PRKN: variants seen among roughly 807,000 people sequenced by gnomAD.
The protein encoded by PRKN is parkin RBR E3 ubiquitin protein ligase.
Under a neutral mutation model 59.5 loss-of-function variants are expected in PRKN, and 56 were observed. The observed-to-expected ratio is 0.94, with a 90% CI of 0.76 to 1.18. The LOEUF is 1.18. Among genes scored for constraint, PRKN ranks in the 50% most tolerant of loss-of-function variants. PRKN has a pLI of 0.00. For missense variants in PRKN, 657 were observed against 596.4 expected (o/e 1.10, Z -1.06); for synonymous variants, 250 against 222.1 (o/e 1.13, Z -1.12).
intron 6 of PRKN, among the ~76,000 whole-genome samples, chr6:161,869,203 A>T (rs1213650062): frequency 6.6e-6 from 1 of 151,934 alleles, no homozygotes; most frequent in Non-Finnish European, 1.5e-5. Context: ...ACATGACGAA[A>T]CCCCATGTCT....
At chr6:161,777,751 ATATATG>A (rs1182601652) in intron 7 of PRKN, among the ~76,000 whole-genome samples, 3 of 136,226 alleles carry the variant, frequency 2.2e-5, no homozygotes, top group Non-Finnish European at 3.0e-5. Context: ...ATATATAGAT[ATATATG>A]TATATGTATA....
intron 2 of PRKN, among the ~76,000 whole-genome samples, chr6:162,411,387 T>TA (rs900254757): frequency 6.6e-6 from 1 of 152,146 alleles, no homozygotes; most frequent in Non-Finnish European, 1.5e-5. Context: ...ATGGACCACT[T>TA]AGACAGCACA....
chr6:161,495,047 A>G (rs1017615750), intron 9 of PRKN, among the ~76,000 whole-genome samples: 41 of 152,264 alleles, frequency 2.7e-4, no homozygotes, highest in African/African-American at 9.2e-4. Context: ...AGCAAAAAGA[A>G]GCAGGTGAAA....
At chr6:161,980,982 T>C (rs1781237967) in intron 5 of PRKN, among the ~76,000 whole-genome samples, 1 of 152,234 alleles carries the variant, frequency 6.6e-6, no homozygotes, top group African/African-American at 2.4e-5. Context: ...AAATATACAT[T>C]GTATATTGAG....
chr6:162,021,178 T>C (rs1476779498), intron 5 of PRKN, among the ~76,000 whole-genome samples: 1 of 56,430 alleles, frequency 1.8e-5, no homozygotes, highest in Non-Finnish European at 4.1e-5. Flanking sequence ...AATATATGTG[T>C]ATATATATTA....
Position 161,456,062 on chromosome 6 carries a change from G to C in PRKN, c.1084-69185C>G, listed in dbSNP as rs895385116. On this transcript the variant is annotated intron_variant, in intron 9 of 11. Coordinates refer to ENST00000366898, the MANE Select transcript of PRKN (RefSeq NM_004562.3). This position sits in a 1 kb window ranked among gnomAD's most constrained non-coding sequence, Gnocchi z 4.8. Reference sequence around the variant, plus strand: ...CGTTGGCCTCTAGGGGAAGCAAAGGGCTCCTGTGTTGTGATGGTTAATATT... The same window carrying C: ...CGTTGGCCTCTAGGGGAAGCAAAGGCCTCCTGTGTTGTGATGGTTAATATT... Among the ~76,000 whole-genome samples the C allele has an allele frequency of 3.9e-5, 6 of 152,110 alleles. No homozygotes were observed. The highest frequency in any genetic ancestry group is 1.4e-4 in the African/African-American group (6 of 41,422).
At chr6:162,223,935 G>A (rs907184486) in intron 3 of PRKN, among the ~76,000 whole-genome samples, 1 of 151,984 alleles carries the variant, frequency 6.6e-6, no homozygotes, top group African/African-American at 2.4e-5. Flanking sequence ...TAAAGGACAG[G>A]GAATGAAGGA....
Position 162,131,404 on chromosome 6 carries a change from C to T in PRKN, c.534+69727G>A, listed in dbSNP as rs527843447. Among the ~76,000 whole-genome samples the T allele has an allele frequency of 4.6e-5, 7 of 152,258 alleles. No individual in the cohort carries two copies. In the South Asian group the frequency reaches 1.5e-3, roughly 32 times the overall value. ...CACATTGTTTTCATAGCACACATTT[C>T]CAGGTTTCTATAAAAATCAGCCAAT... On this transcript the variant is annotated intron_variant, in intron 4 of 11. Coordinates refer to ENST00000366898, the MANE Select transcript of PRKN (RefSeq NM_004562.3).
intron 6 of PRKN, among the ~76,000 whole-genome samples, chr6:161,956,455 T>C (rs1780172241): frequency 6.6e-6 from 1 of 152,112 alleles, no homozygotes; most frequent in South Asian, 2.1e-4. Context: ...GCAAAATCAG[T>C]ATGGCATAAA....
chr6:162,082,390 G>A (rs531008448), intron 4 of PRKN, among the ~76,000 whole-genome samples: 10 of 152,008 alleles, frequency 6.6e-5, no homozygotes, highest in South Asian at 2.1e-4. Flanking sequence ...TATCAGCAAC[G>A]TGAGAACAGA....
At chr6:161,878,808 C>T (rs1268947657) in intron 6 of PRKN, among the ~76,000 whole-genome samples, 1 of 152,168 alleles carries the variant, frequency 6.6e-6, no homozygotes, top group African/African-American at 2.4e-5. Context: ...GGTGCTCCTA[C>T]AAACATTCTT....
At chr6:161,469,036 A>G (rs1047379552) in intron 9 of PRKN, among the ~76,000 whole-genome samples, 6 of 152,184 alleles carry the variant, frequency 3.9e-5, no homozygotes, top group Admixed American at 2.0e-4. Context: ...GCTGCCAAAG[A>G]GTCAATACTG....
At chr6:161,949,284 G>A (rs1386721669) in intron 6 of PRKN, among the ~76,000 whole-genome samples, 1 of 152,206 alleles carries the variant, frequency 6.6e-6, no homozygotes, top group Non-Finnish European at 1.5e-5. Context: ...GGCCGAGGCG[G>A]GTGGATCACC....
intron 7 of PRKN, among the ~76,000 whole-genome samples, chr6:161,719,273 A>G (rs1038317440): frequency 1.3e-5 from 2 of 152,004 alleles, no homozygotes; most frequent in African/African-American, 2.4e-5. Context: ...TGCAGGAGAA[A>G]TAAAGAAAGT....
intron 3 of PRKN, among the ~76,000 whole-genome samples, chr6:162,241,323 T>C (rs1778983095): frequency 6.6e-6 from 1 of 152,164 alleles, no homozygotes; most frequent in Non-Finnish European, 1.5e-5. Flanking sequence ...ATATAACTGC[T>C]AACGCAAACA....
chr6:161,526,139 C>A lies in PRKN; in HGVS notation c.1083+22715G>T, dbSNP rs1779008392. 6.6e-6 allele frequency among the ~76,000 whole-genome samples: 1 copy of A among 152,168 alleles called. No homozygotes were observed. The highest frequency in any genetic ancestry group is 3.2e-3 in the Middle Eastern group (1 of 316). ...TTCCAACCTTCCTAAAAAAAAAGGT[C>A]AGTCCCATAAATACTCTCATCACAG... On this transcript the variant is annotated intron_variant, in intron 9 of 11. Transcript: ENST00000366898. The surrounding 1 kb of genome is among the most constrained non-coding windows in gnomAD (Gnocchi z 4.1).
At chr6:162,599,132 G>T (rs1193677760) in intron 1 of PRKN, among the ~76,000 whole-genome samples, 2 of 151,916 alleles carry the variant, frequency 1.3e-5, no homozygotes, top group Admixed American at 1.3e-4. Flanking sequence ...AATCCTTCCT[G>T]CTACAAAACA....
chr6:162,237,131 T>A (rs959002225), intron 3 of PRKN, among the ~76,000 whole-genome samples: 6 of 152,180 alleles, frequency 3.9e-5, no homozygotes, highest in African/African-American at 1.4e-4. Context: ...GGGTTTTTAA[T>A]GAGAAATGCT....
chr6:162,356,747 T>TAAAAA (rs748212596), intron 2 of PRKN, among the ~76,000 whole-genome samples: 236 of 72,246 alleles, frequency 3.3e-3, no homozygotes, highest in East Asian at 5.4e-3. Context: ...TGATTATTAG[T>TAAAAA]AAAAAAAAAA....
Sources: allele counts gnomAD v4.1 joint callset (sites outside exome capture counted in the v4.1 genomes callset), GRCh38; gene constraint gnomAD v4.1.1; non-coding constraint Gnocchi (gnomAD v3.1); transcripts MANE v1.5; gene names NCBI Gene and HGNC (gene_info 2026-07-23, HGNC 2026-07-21).